The following USP49 variants were observed in gnomAD, a reference collection of about 807,000 sequenced individuals.
USP49 encodes ubiquitin carboxyl-terminal hydrolase 49.
Under a neutral mutation model 58.6 loss-of-function variants are expected in USP49, and 24 were observed. That is an observed-to-expected ratio of 0.41 (90% CI 0.30 to 0.58). The LOEUF is 0.58. USP49 is among the 20% of genes least tolerant of loss of function. USP49 has a pLI of 0.30. For synonymous variants in USP49, 408 were observed against 365.1 expected (o/e 1.12, Z -1.34); for missense variants, 703 against 866.1 (o/e 0.81, Z 2.36).
intron 3 of USP49, among the ~76,000 whole-genome samples, chr6:41,857,289 T>C (rs755585689): frequency 6.6e-6 from 1 of 152,262 alleles, no homozygotes; most frequent in Non-Finnish European, 1.5e-5. Context: ...ATAAAATTTG[T>C]ATTAAGCATG....
intron 3 of USP49, among the ~76,000 whole-genome samples, chr6:41,811,551 G>A (rs1271661488): frequency 6.6e-6 from 1 of 152,116 alleles, no homozygotes; most frequent in Non-Finnish European, 1.5e-5. Flanking sequence ...AAGGATAAGG[G>A]GGGAATACTG....
At chr6:41,861,240 A>T (rs1774216428) in intron 3 of USP49, among the ~76,000 whole-genome samples, 1 of 152,146 alleles carries the variant, frequency 6.6e-6, no homozygotes, top group South Asian at 2.1e-4. Flanking sequence ...TCAGGAGATC[A>T]AGACCATCCT....
chr6:41,883,890 C>T (rs942752761), intron 2 of USP49, among the ~76,000 whole-genome samples: 8 of 152,124 alleles, frequency 5.3e-5, no homozygotes, highest in Non-Finnish European at 1.0e-4. Flanking sequence ...CCATAATGGA[C>T]ATGTGCAAGA....
At chr6:41,893,991 T>A (rs1774851938) in intron 1 of USP49, 1 of 152,176 alleles carries the variant, frequency 6.6e-6, no homozygotes, top group African/African-American at 2.4e-5. Flanking sequence ...CACTACAGCA[T>A]TTCTGCCCTG....
At position 41,796,585 on chromosome 6, in the gene USP49, G is replaced by A. The variant is rs1157522913; in HGVS notation, c.2015C>T (p.Ala672Val). The change falls in exon 8 of 8, where the codon GCT becomes GTT. Residue 672 changes from alanine (A) to valine (V), a missense_variant. Transcript: ENST00000682992. ...NARISETHLQ[A>V]QVQSSNNDEG... is the part of the protein sequence containing the mutation. ...ATCATTGTTGCTGGACTGCACCTGA[G>A]CTTGGAGATGGGTTTCTGAGATTCT... 1.4e-6 allele frequency: 1 copy of A among 717,350 alleles called. No individual in the cohort carries two copies. The highest frequency in any genetic ancestry group is 1.7e-5 in the African/African-American group (1 of 57,246). The allele number at this position is 717,350 out of a possible 1,614,324, so 44.4% of individuals were successfully genotyped here. A position where few individuals can be genotyped will look rare whatever the true frequency, so the allele number is the denominator to read the frequency against.
rs571081614 is a variant in USP49 at position 41,893,714 on chromosome 6, A to C, written c.-185+1610T>G. On this transcript the variant is annotated intron_variant, in intron 1 of 7. Transcript: ENST00000682992. ...ATCAAAATGAGTCTCATTTCTTCAAAGTGGACAGGAAAGTCAAATCAAAAG... is the reference window on the plus strand; with the variant it reads ...ATCAAAATGAGTCTCATTTCTTCAACGTGGACAGGAAAGTCAAATCAAAAG... Among the ~76,000 whole-genome samples, 70 of 152,326 alleles carry C rather than the reference A, an allele frequency of 4.6e-4. 1 individual carries two copies. The highest frequency in any genetic ancestry group is 1.6e-3 in the African/African-American group (65 of 41,570).
rs1246434235 is a variant in USP49 at position 41,806,361 on chromosome 6, C to G, written c.623G>C (p.Ser208Thr). The stretch of plus-strand genomic sequence containing the variant: ...GGGCGTGTGCAGGAGCAGCCGTGCA[C>G]TCTTGCGCGGAGGGGTGCTGGCCAG... Reference protein sequence around the residue: ...EELASTPPRKSARLLLHTPRD... With the variant: ...EELASTPPRKTARLLLHTPRD... Residue 208 changes from serine to threonine, a missense_variant, in exon 4 of 8, where the codon AGT (serine) becomes ACT (threonine). Around this residue, in one of 6 missense-constraint regions of USP49, gnomAD observed 376 missense variants for 373.5 expected, o/e 1.01. Transcript: ENST00000682992. The surrounding 1 kb of genome is among the most constrained non-coding windows in gnomAD (Gnocchi z 5.9). 1 of 1,535,320 alleles carries G rather than the reference C, an allele frequency of 6.5e-7. No homozygotes were observed. The highest frequency in any genetic ancestry group is 2.0e-5 in the Admixed American group (1 of 49,638).
intron 4 of USP49, among the ~76,000 whole-genome samples, chr6:41,804,835 G>A (rs1419846016): frequency 6.6e-6 from 1 of 151,970 alleles, no homozygotes; most frequent in Non-Finnish European, 1.5e-5. Flanking sequence ...CGCAACCTCC[G>A]CCTCCTGGGC....
chr6:41,805,917 G>T lies in USP49; in HGVS notation c.1067C>A (p.Ser356Tyr), dbSNP rs1163386220. ...GAGGGTGTGCAGTTCACGGCAGAGGGAAATGTGCTTTGAACTCGGCTCCTT... is the reference window on the plus strand; with the variant it reads ...GAGGGTGTGCAGTTCACGGCAGAGGTAAATGTGCTTTGAACTCGGCTCCTT... ...QNKEPSSKHI[S>Y]LCRELHTLFR... The change falls in exon 4 of 8, where the codon TCC (serine) becomes TAC (tyrosine). Residue 356 changes from serine (S) to tyrosine (Y), a missense_variant. Physicochemically the swap from Ser to Tyr is moderately radical, Grantham distance 144. Coordinates refer to ENST00000682992, the MANE Select transcript of USP49 (RefSeq NM_001286554.2). The T allele has an allele frequency of 6.2e-7, 1 of 1,613,880 alleles. No homozygotes were observed.
intron 3 of USP49, among the ~76,000 whole-genome samples, chr6:41,830,215 C>G (rs1773610726): frequency 1.3e-5 from 2 of 152,168 alleles, no homozygotes; most frequent in African/African-American, 4.8e-5. Context: ...CACTTTATCT[C>G]TTCTCTAAAA....
intron 3 of USP49, among the ~76,000 whole-genome samples, chr6:41,851,737 G>A (rs1774031447): frequency 6.6e-6 from 1 of 151,228 alleles, no homozygotes; most frequent in Admixed American, 6.6e-5. Context: ...GATGGATCAC[G>A]AGATCAGGAG....
chr6:41,857,576 G>A (rs1402444380), intron 3 of USP49, among the ~76,000 whole-genome samples: 1 of 152,204 alleles, frequency 6.6e-6, no homozygotes, highest in Non-Finnish European at 1.5e-5. Flanking sequence ...AGCCTGGGTG[G>A]CGGAGGTTGC....
At chr6:41,855,926 TA>T (rs1320255221) in intron 3 of USP49, among the ~76,000 whole-genome samples, 6 of 151,938 alleles carry the variant, frequency 3.9e-5, no homozygotes, top group Admixed American at 1.3e-4. Flanking sequence ...TGCATGCCTG[TA>T]ATCCCAGCTA....
At chr6:41,841,948 T>G (rs1245950078) in intron 3 of USP49, among the ~76,000 whole-genome samples, 1 of 152,020 alleles carries the variant, frequency 6.6e-6, no homozygotes, top group Non-Finnish European at 1.5e-5. Context: ...TCCCAGCTAC[T>G]CAGGAGGCTG....
intron 2 of USP49, among the ~76,000 whole-genome samples, chr6:41,885,107 C>A (rs1374408052): frequency 6.6e-6 from 1 of 152,188 alleles, no homozygotes; most frequent in Non-Finnish European, 1.5e-5. Flanking sequence ...CCTCCCTCTG[C>A]ACCCAACAAT....
chr6:41,846,781 C>T (rs949100812), intron 3 of USP49, among the ~76,000 whole-genome samples: 1 of 152,168 alleles, frequency 6.6e-6, no homozygotes, highest in Admixed American at 6.5e-5. Flanking sequence ...CCCCCCCATA[C>T]TGGGTCTACT....
At chr6:41,850,738 G>A (rs1774012858) in intron 3 of USP49, among the ~76,000 whole-genome samples, 1 of 151,454 alleles carries the variant, frequency 6.6e-6, no homozygotes, top group Non-Finnish European at 1.5e-5. Flanking sequence ...CTGAGTAGCT[G>A]GGACTGCAGG....
intron 3 of USP49, among the ~76,000 whole-genome samples, chr6:41,839,818 A>G (rs1022466564): frequency 3.4e-5 from 5 of 146,186 alleles, no homozygotes; most frequent in African/African-American, 1.2e-4. Context: ...GGAATGATAT[A>G]ATGGATTTGG....
intron 3 of USP49, among the ~76,000 whole-genome samples, chr6:41,848,719 G>A (rs1241191603): frequency 6.6e-6 from 1 of 151,962 alleles, no homozygotes; most frequent in Admixed American, 6.6e-5. Context: ...GCCAGGTGCA[G>A]TGGCAGGCAC....
Sources: allele counts gnomAD v4.1 joint callset (sites outside exome capture counted in the v4.1 genomes callset), GRCh38; gene constraint gnomAD v4.1.1; regional missense constraint gnomAD v4.1.1; non-coding constraint Gnocchi (gnomAD v3.1); transcripts MANE v1.5; gene names NCBI Gene and HGNC (gene_info 2026-07-23, HGNC 2026-07-21).